The following FER variants were observed in gnomAD, a reference collection of about 807,000 sequenced individuals.
FER encodes the protein FER tyrosine kinase.
FER carries 63 observed loss-of-function variants against 111.0 expected under a neutral mutation model. The observed-to-expected ratio is 0.57, with a 90% CI of 0.46 to 0.70. The LOEUF is 0.70. Ranked by LOEUF, FER falls within the 30% of genes least tolerant of loss-of-function variation. FER has a pLI of 0.00. For synonymous variants in FER, 327 were observed against 313.9 expected, an observed-to-expected ratio of 1.04 and a Z score of -0.44; for missense variants, 914 against 954.0, an observed-to-expected ratio of 0.96 and a Z score of 0.55.
intron 16 of FER, among the ~76,000 whole-genome samples, chr5:109,059,109 A>G (rs1052021982): frequency 1.3e-5 from 2 of 151,862 alleles, no homozygotes; most frequent in African/African-American, 4.8e-5. Flanking sequence ...TTCTCTCAAT[A>G]TATTGCTGTT....
chr5:109,128,724 A>G (rs1457673887), intron 17 of FER, among the ~76,000 whole-genome samples: 1 of 152,176 alleles, frequency 6.6e-6, no homozygotes, highest in Admixed American at 6.5e-5. Context: ...TAATAAATAC[A>G]CATATTATGT....
chr5:109,083,293 C>G (rs1285660577), intron 16 of FER, among the ~76,000 whole-genome samples: 2 of 151,960 alleles, frequency 1.3e-5, no homozygotes, highest in Non-Finnish European at 1.5e-5. Context: ...TGTAACATGC[C>G]TTGTAGGTCT....
At position 109,192,203 on chromosome 5, in the gene FER, G is replaced by C. The variant is rs1436181393; in HGVS notation, c.*4628G>C. 6.6e-6 allele frequency: 1 copy of C among 152,160 alleles called. No homozygotes were observed. The allele number at this position is 152,160 out of a possible 1,614,324, so 9.4% of individuals were successfully genotyped here. A position where few individuals can be genotyped will look rare whatever the true frequency, so the allele number is the denominator to read the frequency against. On this transcript the variant is annotated 3_prime_UTR_variant, in exon 20 of 20. Transcript: ENST00000281092. Reference sequence around the variant, plus strand: ...TTCAGTATATTTAATAAGGTGCTGAGGCAGCAGATTCAAATGCAAAAGAGG... The same window carrying C: ...TTCAGTATATTTAATAAGGTGCTGACGCAGCAGATTCAAATGCAAAAGAGG...
chr5:108,816,276 A>G (rs575587344), intron 3 of FER, among the ~76,000 whole-genome samples: 1 of 152,362 alleles, frequency 6.6e-6, no homozygotes, highest in African/African-American at 2.4e-5. Context: ...GCGTAGGAAT[A>G]CATAGTAGAC....
At chr5:108,900,075 T>G (rs1368198991) in intron 10 of FER, among the ~76,000 whole-genome samples, 1 of 152,230 alleles carries the variant, frequency 6.6e-6, no homozygotes, top group African/African-American at 2.4e-5. Flanking sequence ...AAATTAGATC[T>G]TGCCTATTTG....
In FER at chr5:108,813,587, A is replaced by G. The variant is rs1216332854; in HGVS notation, c.207+15198A>G. On this transcript the variant is annotated intron_variant, in intron 3 of 19. Transcript: ENST00000281092. ...TATTTTTCTTTCTTCTCTGTGTTTCATTGTGGTTAGTTTTTATTGTTGTCT... is the reference window on the plus strand; with the variant it reads ...TATTTTTCTTTCTTCTCTGTGTTTCGTTGTGGTTAGTTTTTATTGTTGTCT... Among the ~76,000 whole-genome samples the G allele has an allele frequency of 6.6e-5, 10 of 151,762 alleles. No homozygotes were observed. The East Asian group carries it at 1.9e-3, about 29-fold the overall frequency.
intron 14 of FER, among the ~76,000 whole-genome samples, chr5:109,041,501 G>A (rs1332671761): frequency 3.9e-5 from 6 of 151,980 alleles, no homozygotes; most frequent in East Asian, 1.9e-4. Context: ...GAAGCCAACC[G>A]GAAGTTGAAA....
intron 3 of FER, among the ~76,000 whole-genome samples, chr5:108,821,111 C>CA (rs985874779): frequency 2.0e-5 from 3 of 151,574 alleles, no homozygotes; most frequent in African/African-American, 7.3e-5. Context: ...GACTACGTCT[C>CA]AAAAAAAATA....
chr5:109,033,200 G>A (rs1305895845), intron 13 of FER, among the ~76,000 whole-genome samples: 2 of 152,116 alleles, frequency 1.3e-5, no homozygotes, highest in Admixed American at 6.6e-5. Flanking sequence ...GAGACTAAGA[G>A]GCAGTCTGCT....
At chr5:109,109,224 C>T (rs1010725638) in intron 17 of FER, among the ~76,000 whole-genome samples, 1 of 152,104 alleles carries the variant, frequency 6.6e-6, no homozygotes, top group Non-Finnish European at 1.5e-5. Context: ...TTCCCTGTAA[C>T]CCATAACCTG....
intron 16 of FER, among the ~76,000 whole-genome samples, chr5:109,065,585 G>A (rs1288735008): frequency 6.6e-6 from 1 of 152,130 alleles, no homozygotes; most frequent in Non-Finnish European, 1.5e-5. Context: ...AGCTGAGCTT[G>A]GTGGCTCATC....
intron 16 of FER, among the ~76,000 whole-genome samples, chr5:109,094,506 G>C (rs549730163): frequency 6.6e-6 from 1 of 152,166 alleles, no homozygotes; most frequent in South Asian, 2.1e-4. Flanking sequence ...TCTGGTCCAA[G>C]TCATTTCATA....
intron 5 of FER, among the ~76,000 whole-genome samples, chr5:108,861,651 G>A (rs115802064): frequency 0.021 from 3,132 of 152,204 alleles, 58 homozygotes; most frequent in Middle Eastern, 0.041. Context: ...TTCATTCTAT[G>A]TACTTCACGT....
At chr5:109,156,217 C>T (rs371497777) in intron 17 of FER, among the ~76,000 whole-genome samples, 5 of 151,892 alleles carry the variant, frequency 3.3e-5, no homozygotes, top group Middle Eastern at 3.4e-3. Context: ...TGATGGTAGA[C>T]GGAATTGAGA....
chr5:108,882,020 A>T (rs1673338771), intron 8 of FER, among the ~76,000 whole-genome samples: 1 of 152,072 alleles, frequency 6.6e-6, no homozygotes, highest in Non-Finnish European at 1.5e-5. Context: ...TCTTAGAAAA[A>T]CCTTATATAT....
chr5:108,766,562 A>G (rs1752346409), intron 1 of FER, among the ~76,000 whole-genome samples: 1 of 152,236 alleles, frequency 6.6e-6, no homozygotes, highest in Non-Finnish European at 1.5e-5. Flanking sequence ...CTAGAAGGGA[A>G]TAAAATGTTT....
At chr5:108,812,393 G>A (rs150435871) in intron 3 of FER, among the ~76,000 whole-genome samples, 1 of 152,032 alleles carries the variant, frequency 6.6e-6, no homozygotes, top group South Asian at 2.1e-4. Flanking sequence ...ATATAACCAC[G>A]CTGGGTTTCA....
At chr5:108,848,197 C>CT (rs1193061798) in intron 5 of FER, among the ~76,000 whole-genome samples, 2 of 152,102 alleles carry the variant, frequency 1.3e-5, no homozygotes, top group Non-Finnish European at 2.9e-5. Context: ...ATTCTTTTTT[C>CT]ATACTTTAAC....
intron 11 of FER, among the ~76,000 whole-genome samples, chr5:108,950,611 C>T (rs1048412288): frequency 3.3e-5 from 5 of 151,850 alleles, no homozygotes; most frequent in South Asian, 4.2e-4. Context: ...TACAAATATT[C>T]GGAATATCTT....
Sources: gnomAD v4.1 joint callset for allele counts (sites outside exome capture counted in the v4.1 genomes callset) on GRCh38, gnomAD v4.1.1 for gene constraint, MANE v1.5 for transcripts, NCBI Gene and HGNC (gene_info 2026-07-23, HGNC 2026-07-21) for gene names.